Variants in CCDC201 observed in about 807,000 individuals in gnomAD.
CCDC201 encodes the protein coiled-coil domain containing 201.
At chr7:45,864,101 T>C (rs961667854) in intron 2 of CCDC201, among the ~76,000 whole-genome samples, 1 of 152,080 alleles carries the variant, frequency 6.6e-6, no homozygotes, top group Non-Finnish European at 1.5e-5. Flanking sequence ...TTTATGTCCG[T>C]CCACAGAGGG....
intron 1 of CCDC201, among the ~76,000 whole-genome samples, chr7:45,868,221 G>A (rs893947275): frequency 2.6e-5 from 4 of 152,174 alleles, no homozygotes; most frequent in African/African-American, 9.7e-5. Flanking sequence ...TTTGGTGCTA[G>A]CTATTGGTGG....
At chr7:45,876,738 T>C (rs931519846), upstream of CCDC201, among the ~76,000 whole-genome samples, 1 of 152,202 alleles carries the variant, frequency 6.6e-6, no homozygotes, top group African/African-American at 2.4e-5. Flanking sequence ...GTGGCAGCCG[T>C]CAGGTGCTGT....
intron 2 of CCDC201, among the ~76,000 whole-genome samples, chr7:45,864,067 G>C (rs950597830): frequency 1.3e-5 from 2 of 152,138 alleles, no homozygotes; most frequent in Non-Finnish European, 2.9e-5. Context: ...CCCGAGGCAG[G>C]GGCTGCCTTC....
At chr7:45,874,006 G>A (rs1786772255), upstream of CCDC201, among the ~76,000 whole-genome samples, 1 of 142,472 alleles carries the variant, frequency 7.0e-6, no homozygotes. Flanking sequence ...TGTAACTTCT[G>A]CCTCCTGGGG....
intron 2 of CCDC201, among the ~76,000 whole-genome samples, chr7:45,863,885 A>G (rs928534073): frequency 6.6e-6 from 1 of 152,202 alleles, no homozygotes; most frequent in Admixed American, 6.5e-5. Context: ...CTGTAAGAGC[A>G]GAAGGCCTGA....
At chr7:45,867,438 CTAAATCAAT>C (rs1786690625) in intron 1 of CCDC201, among the ~76,000 whole-genome samples, 1 of 152,162 alleles carries the variant, frequency 6.6e-6, no homozygotes, top group African/African-American at 2.4e-5. Context: ...CAATGACATC[CTAAATCAAT>C]TAAGGAAGCC....
intron 2 of CCDC201, among the ~76,000 whole-genome samples, chr7:45,863,494 A>G (rs1045074651): frequency 1.3e-5 from 2 of 152,182 alleles, no homozygotes; most frequent in Admixed American, 6.5e-5. Flanking sequence ...CATGGAGTAG[A>G]CGAGCCTGCG....
the CCDC201 span, among the ~76,000 whole-genome samples, chr7:45,883,485 T>A: frequency 4.2e-4 from 64 of 152,040 alleles, no homozygotes; most frequent in African/African-American, 1.5e-3. Flanking sequence ...CATGAAGATA[T>A]AACTGAGGCC....
exon 3 of CCDC201, chr7:45,862,900 C>T (rs1214111987): frequency 6.6e-6 from 1 of 152,334 alleles, no homozygotes. Flanking sequence ...TCATCAATGT[C>T]AATGCCTCCC....
exon 2 of CCDC201, chr7:45,866,138 T>TTGC (rs202125878): frequency 0.02 from 3,961 of 200,632 alleles, 59 homozygotes; most frequent in Admixed American, 0.028. Flanking sequence ...GGAGGGACTC[T>TTGC]TGCTGCTGCT....
the CCDC201 span, among the ~76,000 whole-genome samples, chr7:45,885,130 G>T: frequency 6.6e-6 from 1 of 152,184 alleles, no homozygotes; most frequent in Non-Finnish European, 1.5e-5. Context: ...GCATGATAGG[G>T]TGATGGAAGT....
At chr7:45,862,078 A>C (rs895194938) in exon 3 of CCDC201, 7 of 152,236 alleles carry the variant, frequency 4.6e-5, no homozygotes, top group African/African-American at 1.7e-4. Flanking sequence ...CCTGGGTGGG[A>C]CCCTGATGTT....
At chr7:45,875,418 C>G (rs1373985688), upstream of CCDC201, among the ~76,000 whole-genome samples, 1 of 148,274 alleles carries the variant, frequency 6.7e-6, no homozygotes, top group Non-Finnish European at 1.5e-5. Flanking sequence ...TTGCTTGAAC[C>G]CGGGAGGAGG....
intron 1 of CCDC201, among the ~76,000 whole-genome samples, chr7:45,869,896 T>C (rs10274217): frequency 0.81 from 122,228 of 151,526 alleles, 50,090 homozygotes; most frequent in African/African-American, 0.94. Flanking sequence ...CAGCTCACTG[T>C]AACCTCTGCC....
At chr7:45,863,833 A>G (rs1425414778) in intron 2 of CCDC201, among the ~76,000 whole-genome samples, 1 of 152,144 alleles carries the variant, frequency 6.6e-6, no homozygotes, top group African/African-American at 2.4e-5. Context: ...GCAAACCCAC[A>G]GGACTGAGAA....
upstream of CCDC201, among the ~76,000 whole-genome samples, chr7:45,877,820 A>G (rs180837081): frequency 1.6e-4 from 25 of 152,304 alleles, 1 homozygote; most frequent in Admixed American, 1.6e-3. Context: ...CACATTGCAA[A>G]ATACAATCAT....
chr7:45,875,439 CAAAAA>C (rs34636507), upstream of CCDC201, among the ~76,000 whole-genome samples: 4 of 104,920 alleles, frequency 3.8e-5, no homozygotes, highest in Non-Finnish European at 3.9e-5. Context: ...AGGCTTCAGT[CAAAAA>C]AAAAAAAAAA....
At chr7:45,882,430 A>G in the CCDC201 span, among the ~76,000 whole-genome samples, 1 of 152,256 alleles carries the variant, frequency 6.6e-6, no homozygotes, top group Non-Finnish European at 1.5e-5. Context: ...GCAACATGCT[A>G]GGACATAGAA....
exon 3 of CCDC201, chr7:45,861,261 A>G (rs910633421): frequency 5.9e-5 from 9 of 152,360 alleles, no homozygotes; most frequent in Admixed American, 4.6e-4. Flanking sequence ...GGTGTGCAAT[A>G]TAGGCAGTTT....
Sources: gnomAD v4.1 joint callset for allele counts (sites outside exome capture counted in the v4.1 genomes callset) on GRCh38, gnomAD v4.1.1 for gene constraint, MANE v1.5 for transcripts, NCBI Gene and HGNC (gene_info 2026-07-23, HGNC 2026-07-21) for gene names.